CHM: variants seen among roughly 807,000 people sequenced by gnomAD.
CHM encodes rab proteins geranylgeranyltransferase component A 1.
Under a neutral mutation model 49.0 loss-of-function variants are expected in CHM, and 10 were observed. The observed-to-expected ratio is 0.20, with a 90% CI of 0.13 to 0.35. The LOEUF (loss-of-function observed/expected upper bound fraction) is 0.35. Ranked by LOEUF, CHM falls within the 10% of genes least tolerant of loss-of-function variation. The pLI, the probability that CHM is intolerant of heterozygous loss-of-function variation, is 1.00. For synonymous variants in CHM, 184 were observed against 167.5 expected, an observed-to-expected ratio of 1.10 and a Z score of -0.76; for missense variants, 455 against 478.4, an observed-to-expected ratio of 0.95 and a Z score of 0.46.
rs12835678 is a variant in CHM at position 85,965,595 on chromosome X, A to G, written c.315-1543T>C. On this transcript the variant is annotated intron_variant, in intron 4 of 14. Coordinates refer to ENST00000357749, the MANE Select transcript of CHM (RefSeq NM_000390.4). Reference sequence around the variant, plus strand: ...TTCAAATGCGAAACAAACTTGTTGCAAAAAACACAAAAAATAAGGCCAAGA... The same window carrying G: ...TTCAAATGCGAAACAAACTTGTTGCGAAAAACACAAAAAATAAGGCCAAGA... Among the ~76,000 whole-genome samples the G allele has an allele frequency of 0.28, 30,300 of 110,060 alleles. 3,550 individuals are homozygous for G. The highest frequency in any genetic ancestry group is 0.39 in the Admixed American group (3,945 of 10,234).
intron 2 of CHM, among the ~76,000 whole-genome samples, chrX:85,982,472 A>G (rs1179381303): frequency 8.9e-6 from 1 of 112,401 alleles, no homozygotes; most frequent in Non-Finnish European, 1.9e-5. Context: ...CGGGTGAGCT[A>G]TTATTCTTCA....
rs1378516652 is a variant in CHM at position 86,034,588 on chromosome X, C to A, written c.50-7031G>T. ...CTGAGGTCAGAAGTTCGAGACTAGCCTGGCCAACATAGTGAAACCCTGTCT... is the reference window on the plus strand; with the variant it reads ...CTGAGGTCAGAAGTTCGAGACTAGCATGGCCAACATAGTGAAACCCTGTCT... On this transcript the variant is annotated intron_variant, in intron 1 of 14. Transcript: ENST00000357749. Among the ~76,000 whole-genome samples, 7 of 111,206 alleles carry A rather than the reference C, an allele frequency of 6.3e-5. No homozygotes were observed. The South Asian group carries it at 2.3e-3, about 36-fold the overall frequency.
intron 2 of CHM, among the ~76,000 whole-genome samples, chrX:86,021,729 T>C (rs1373304348): frequency 1.8e-5 from 2 of 111,875 alleles, no homozygotes; most frequent in African/African-American, 6.5e-5. Flanking sequence ...GCCATGTTCA[T>C]AGCAGCATTA....
At chrX:86,000,474 T>C (rs1339306589) in intron 2 of CHM, among the ~76,000 whole-genome samples, 1 of 73,329 alleles carries the variant, frequency 1.4e-5, no homozygotes, top group African/African-American at 5.7e-5. Flanking sequence ...CAAGTACAAC[T>C]AGCATATGAT....
At chrX:85,922,569 A>G (rs1927856287) in intron 8 of CHM, among the ~76,000 whole-genome samples, 1 of 112,893 alleles carries the variant, frequency 8.9e-6, no homozygotes, top group Non-Finnish European at 1.9e-5. Context: ...CCTCAAGAGC[A>G]GTAGCTAAAT....
intron 8 of CHM, among the ~76,000 whole-genome samples, chrX:85,930,778 T>C (rs1401848694): frequency 8.9e-6 from 1 of 111,925 alleles, no homozygotes; most frequent in Non-Finnish European, 1.9e-5. Context: ...TTATGTCTTG[T>C]AACCTTCCCC....
chrX:85,886,131 C>T (rs1172107890), intron 12 of CHM, among the ~76,000 whole-genome samples: 2 of 110,203 alleles, frequency 1.8e-5, no homozygotes, highest in African/African-American at 6.6e-5. Flanking sequence ...TGGTAAAAAG[C>T]CTTCCACCAA....
At chrX:85,991,783 T>C (rs989970302) in intron 2 of CHM, among the ~76,000 whole-genome samples, 6 of 111,103 alleles carry the variant, frequency 5.4e-5, no homozygotes, top group African/African-American at 2.0e-4. Context: ...TATTAAAGGA[T>C]TAGGGCTTAA....
chrX:85,936,455 G>A (rs1928787163), intron 8 of CHM, among the ~76,000 whole-genome samples: 1 of 111,484 alleles, frequency 9.0e-6, no homozygotes, highest in Non-Finnish European at 1.9e-5. Flanking sequence ...CCATAATACA[G>A]GTAAGACAAC....
At chrX:85,976,724 T>C (rs1325294108) in intron 4 of CHM, among the ~76,000 whole-genome samples, 1 of 110,573 alleles carries the variant, frequency 9.0e-6, no homozygotes, top group Non-Finnish European at 1.9e-5. Context: ...AAACATAGAC[T>C]CAAAATAGAG....
intron 2 of CHM, among the ~76,000 whole-genome samples, chrX:86,004,549 T>C (rs1932813004): frequency 1.8e-5 from 2 of 110,413 alleles, no homozygotes; most frequent in African/African-American, 6.6e-5. Flanking sequence ...AGACTCAAAA[T>C]AAAAGGATGG....
intron 4 of CHM, among the ~76,000 whole-genome samples, chrX:85,968,311 G>A (rs1045077169): frequency 8.9e-6 from 1 of 112,189 alleles, no homozygotes; most frequent in African/African-American, 3.2e-5. Context: ...AACCTAAAAC[G>A]TTAACACATA....
At chrX:85,945,671 T>C (rs1031750920) in intron 8 of CHM, among the ~76,000 whole-genome samples, 2 of 109,329 alleles carry the variant, frequency 1.8e-5, no homozygotes, top group Non-Finnish European at 3.8e-5. Context: ...AACTGACTAA[T>C]ACAGAAAACT....
intron 14 of CHM, among the ~76,000 whole-genome samples, chrX:85,868,018 ACTGTGTGT>A (rs927950285): frequency 1.1e-4 from 10 of 87,154 alleles, no homozygotes; most frequent in South Asian, 6.2e-4. Flanking sequence ...AATAGTTACC[ACTGTGTGT>A]GTGTGTGTGT....
intron 4 of CHM, 24 bp from the exon 5 acceptor site, chrX:85,964,076 C>T: frequency 8.4e-7 from 1 of 1,187,100 alleles, no homozygotes; most frequent in Non-Finnish European, 1.1e-6. Flanking sequence ...TAATAATAAA[C>T]ACCAGGCTTT....
At chrX:86,027,002 A>G (rs951944031) in intron 2 of CHM, 1 of 115,764 alleles carries the variant, frequency 8.6e-6, no homozygotes, top group African/African-American at 3.2e-5. Flanking sequence ...AAAAAAAGGG[A>G]AAAACATAAT....
At chrX:85,959,216 C>T (rs982016696) in intron 5 of CHM, among the ~76,000 whole-genome samples, 1 of 111,436 alleles carries the variant, frequency 9.0e-6, no homozygotes, top group Admixed American at 9.6e-5. Context: ...AAACCTGATC[C>T]ATACTGATAA....
At chrX:85,867,276 T>C (rs1288358656) in intron 14 of CHM, among the ~76,000 whole-genome samples, 2 of 111,811 alleles carry the variant, frequency 1.8e-5, no homozygotes, top group African/African-American at 3.3e-5. Flanking sequence ...GTTCCCTCTT[T>C]GCTTTCTTTG....
chrX:85,869,148 GAT>G (rs974344408), intron 14 of CHM, among the ~76,000 whole-genome samples: 3 of 110,764 alleles, frequency 2.7e-5, no homozygotes, highest in Non-Finnish European at 3.8e-5. Context: ...CTAGACTTTG[GAT>G]ATATTAGTAC....
Sources: gnomAD v4.1 joint callset for allele counts (sites outside exome capture counted in the v4.1 genomes callset) on GRCh38, gnomAD v4.1.1 for gene constraint, MANE v1.5 for transcripts, NCBI Gene and HGNC (gene_info 2026-07-23, HGNC 2026-07-21) for gene names.